The following PLCB1 variants were observed in gnomAD, a reference collection of about 807,000 sequenced individuals.
The protein encoded by PLCB1 is phospholipase C beta 1, also known as 1-phosphatidylinositol 4,5-bisphosphate phosphodiesterase beta-1.
Under a neutral mutation model 161.8 loss-of-function variants are expected in PLCB1, and 46 were observed. That is an observed-to-expected ratio of 0.28 (90% CI 0.22 to 0.36). The LOEUF is 0.36. Among genes scored for constraint, PLCB1 ranks in the 10% least tolerant of loss-of-function variants. PLCB1 has a pLI of 1.00. For synonymous variants in PLCB1, 517 were observed against 503.7 expected (o/e 1.03, Z -0.35); for missense variants, 1,016 against 1,472.5 (o/e 0.69, Z 5.07).
intron 3 of PLCB1, among the ~76,000 whole-genome samples, chr20:8,550,036 C>T (rs1048488307): frequency 6.6e-5 from 10 of 152,122 alleles, no homozygotes; most frequent in African/African-American, 2.4e-4. Context: ...TGGCCAATTT[C>T]TCCCACTTGG....
At chr20:8,801,444 T>A (rs1021194314) in intron 31 of PLCB1, among the ~76,000 whole-genome samples, 5 of 152,202 alleles carry the variant, frequency 3.3e-5, no homozygotes, top group African/African-American at 1.2e-4. Flanking sequence ...AGTGTGTCCT[T>A]GAGTACTGCC....
chr20:8,156,555 T>C (rs192383345), intron 2 of PLCB1, among the ~76,000 whole-genome samples: 2 of 152,328 alleles, frequency 1.3e-5, no homozygotes, highest in East Asian at 3.9e-4. Flanking sequence ...GATTGGAACA[T>C]ATTAAGTGAA....
At chr20:8,685,697 A>G (rs2123401527) in intron 10 of PLCB1, among the ~76,000 whole-genome samples, 1 of 152,158 alleles carries the variant, frequency 6.6e-6, no homozygotes, top group East Asian at 1.9e-4. Context: ...AGATCACACC[A>G]CTGCACCCCA....
At chr20:8,193,916 C>T (rs577299765) in intron 2 of PLCB1, among the ~76,000 whole-genome samples, 1 of 152,030 alleles carries the variant, frequency 6.6e-6, no homozygotes, top group African/African-American at 2.4e-5. Context: ...GTCTTTCTGC[C>T]TTGCTTTCTT....
At chr20:8,256,157 A>C (rs1981401675) in intron 2 of PLCB1, among the ~76,000 whole-genome samples, 1 of 152,128 alleles carries the variant, frequency 6.6e-6, no homozygotes, top group Admixed American at 6.6e-5. Context: ...TAAGTGATGC[A>C]TGACTGTATT....
intron 2 of PLCB1, among the ~76,000 whole-genome samples, chr20:8,282,930 T>A (rs1982941564): frequency 2.3e-5 from 2 of 88,432 alleles, no homozygotes; most frequent in Admixed American, 2.2e-4. Context: ...TTAGAGTTTA[T>A]TTCTACTCTG....
In PLCB1 at chr20:8,657,071, A is replaced by T. The variant is rs572277668; in HGVS notation, c.595-113A>T. ...AAAGGAAAGAGAGAGGGAGAAGGTG[A>T]GGGAAGGGGGGAAGAAAAGAAAGGA... On this transcript the variant is annotated intron_variant, in intron 7 of 31. Transcript: ENST00000338037. 7.8e-4 allele frequency: 530 copies of T among 677,836 alleles called. 4 individuals carry two copies. In the African/African-American group the frequency reaches 8.5e-3, roughly 11 times the overall value. The allele number at this position is 677,836 out of a possible 1,614,324, so 42.0% of individuals were successfully genotyped here. A position where few individuals can be genotyped will look rare whatever the true frequency, so the allele number is the denominator to read the frequency against.
intron 10 of PLCB1, among the ~76,000 whole-genome samples, chr20:8,692,488 A>C (rs986315827): frequency 6.6e-6 from 1 of 152,218 alleles, no homozygotes; most frequent in Non-Finnish European, 1.5e-5. Flanking sequence ...TACTTAACTC[A>C]TTTGAGCCTT....
intron 2 of PLCB1, among the ~76,000 whole-genome samples, chr20:8,192,340 A>G (rs558204943): frequency 6.6e-6 from 1 of 151,974 alleles, no homozygotes; most frequent in South Asian, 2.1e-4. Context: ...AATTTAAAAA[A>G]ATCGTATTCA....
rs1980879213 is a variant in PLCB1 at position 8,741,507 on chromosome 20, G to A, written c.2457G>A (p.Leu819=). The part of the protein sequence containing the change: ...ALSNPIRYVN[L]MEQRAKQLAA... Reference sequence around the variant, plus strand: ...CAAACCCAATCCGATATGTGAACCTGATGGAACAGAGAGCTAAGCAATTGG... The same window carrying A: ...CAAACCCAATCCGATATGTGAACCTAATGGAACAGAGAGCTAAGCAATTGG... The change falls in exon 23 of 32, where the codon CTG becomes CTA. Residue 819 remains leucine (L), a synonymous_variant. Transcript: ENST00000338037. 1 of 1,613,808 alleles carries A rather than the reference G, an allele frequency of 6.2e-7. No individual in the cohort carries two copies. The highest frequency in any genetic ancestry group is 1.3e-5 in the African/African-American group (1 of 75,060).
At chr20:8,658,828 G>T (rs899388962) in intron 9 of PLCB1, 124 bp downstream of exon 9, 1 of 739,792 alleles carries the variant, frequency 1.4e-6, no homozygotes, top group Non-Finnish European at 2.2e-6. Flanking sequence ...CATTCCTTTC[G>T]GTCTGAAATC....
intron 27 of PLCB1, among the ~76,000 whole-genome samples, chr20:8,787,401 T>C (rs879700425): frequency 3.9e-5 from 6 of 152,194 alleles, no homozygotes; most frequent in Admixed American, 1.3e-4. Flanking sequence ...TCTCAAAAGT[T>C]TGTGGTATTA....
chr20:8,772,374 G>A (rs909386088), intron 26 of PLCB1, among the ~76,000 whole-genome samples: 5 of 152,212 alleles, frequency 3.3e-5, no homozygotes, highest in African/African-American at 9.6e-5. Flanking sequence ...GCTCTTAAGA[G>A]CACAGGTGTT....
chr20:8,689,856 G>A (rs1267815321), intron 10 of PLCB1, among the ~76,000 whole-genome samples: 3 of 150,330 alleles, frequency 2.0e-5, no homozygotes, highest in African/African-American at 7.3e-5. Flanking sequence ...GAGGGTGTTG[G>A]CATATTAACA....
At chr20:8,603,662 C>G (rs1168509477) in intron 3 of PLCB1, among the ~76,000 whole-genome samples, 1 of 152,216 alleles carries the variant, frequency 6.6e-6, no homozygotes, top group Non-Finnish European at 1.5e-5. Flanking sequence ...GGGGTTGGAC[C>G]TAGCAATGTG....
At chr20:8,200,699 A>C (rs1180669263) in intron 2 of PLCB1, among the ~76,000 whole-genome samples, 1 of 151,832 alleles carries the variant, frequency 6.6e-6, no homozygotes. Context: ...ACATCACCAC[A>C]CACTTTTCCA....
intron 2 of PLCB1, among the ~76,000 whole-genome samples, chr20:8,321,766 T>TTGTCTCC (rs752249190): frequency 2.6e-4 from 39 of 152,280 alleles, no homozygotes; most frequent in South Asian, 6.2e-4. Context: ...CCACCATCCT[T>TTGTCTCC]TGTCTCCTCT....
intron 3 of PLCB1, among the ~76,000 whole-genome samples, chr20:8,395,261 T>C (rs1006686515): frequency 3.3e-5 from 5 of 152,056 alleles, no homozygotes; most frequent in African/African-American, 1.2e-4. Context: ...TAATGAGACA[T>C]TTATTTTATT....
intron 3 of PLCB1, among the ~76,000 whole-genome samples, chr20:8,385,755 G>A (rs1365508408): frequency 2.0e-5 from 3 of 152,252 alleles, no homozygotes; most frequent in Admixed American, 2.0e-4. Context: ...TGGCTGGGGG[G>A]TGAGGGCTCC....
Sources: allele counts gnomAD v4.1 joint callset (sites outside exome capture counted in the v4.1 genomes callset), GRCh38; gene constraint gnomAD v4.1.1; transcripts MANE v1.5; gene names NCBI Gene and HGNC (gene_info 2026-07-23, HGNC 2026-07-21).